Variants in NRXN1 observed in about 807,000 individuals in gnomAD.
NRXN1 encodes neurexin-1.
NRXN1 carries 39 observed loss-of-function variants against 150.9 expected under a neutral mutation model. The observed-to-expected ratio is 0.26, with a 90% CI of 0.20 to 0.34. NRXN1 has a LOEUF of 0.34. Among genes scored for constraint, NRXN1 ranks in the 10% least tolerant of loss-of-function variants. The probability of loss-of-function intolerance (pLI) is 1.00; values close to 1 mark genes in which losing one functional copy is unlikely to be tolerated. For synonymous variants in NRXN1, 924 were observed against 757.0 expected (o/e 1.22, Z -3.62); for missense variants, 1,815 against 1,949.9 (o/e 0.93, Z 1.30).
intron 5 of NRXN1, among the ~76,000 whole-genome samples, chr2:50,800,095 CTT>C (rs1415440492): frequency 1.3e-5 from 2 of 152,192 alleles, no homozygotes; most frequent in East Asian, 3.8e-4. Flanking sequence ...GTGACATACT[CTT>C]TGGCCTCTAA....
chr2:50,161,338 G>C (rs2059352130), intron 18 of NRXN1, among the ~76,000 whole-genome samples: 1 of 152,092 alleles, frequency 6.6e-6, no homozygotes, highest in Admixed American at 6.6e-5. Context: ...GCAAAATCTG[G>C]ACTAGAATTC....
Position 50,497,321 on chromosome 2 carries a change from G to A in NRXN1, c.2879+12C>T, listed in dbSNP as rs373623095. ...GTTTTATTTATTTGCTATTGAACAG[G>A]CATGTACTCACCCTTTAACTAATTC... is the stretch of plus-strand genomic sequence containing the variant. On this transcript the variant is annotated intron_variant, in intron 14 of 22. Coordinates refer to ENST00000401669, the MANE Select transcript of NRXN1 (RefSeq NM_001330078.2). 1.3e-6 allele frequency: 2 copies of A among 1,510,540 alleles called. No individual in the cohort carries two copies. Among genetic ancestry groups the A allele is most frequent in the Non-Finnish European group, 8.8e-7 (1 of 1,133,218 alleles). 93.6% of individuals were successfully genotyped at this position (1,510,540 alleles called of 1,614,324 possible).
Position 50,149,406 on chromosome 2 carries a change from T to G in NRXN1, c.3547-57912A>C, listed in dbSNP as rs535262858. Among the ~76,000 whole-genome samples the G allele has an allele frequency of 4.0e-5, 6 of 151,820 alleles. No homozygotes were observed. In the South Asian group the frequency reaches 1.2e-3, roughly 31 times the overall value. On this transcript the variant is annotated intron_variant, in intron 18 of 22. Coordinates refer to ENST00000401669, the MANE Select transcript of NRXN1 (RefSeq NM_001330078.2). ...ACTACTGATAAATAACTCAGAGAACTGATCTATATAGGTGACAAATCAAAA... is the reference window on the plus strand; with the variant it reads ...ACTACTGATAAATAACTCAGAGAACGGATCTATATAGGTGACAAATCAAAA...
At chr2:50,883,186 T>C (rs866185756) in intron 5 of NRXN1, among the ~76,000 whole-genome samples, 3 of 151,876 alleles carry the variant, frequency 2.0e-5, no homozygotes, top group Non-Finnish European at 4.4e-5. Context: ...TTTCTTTTCA[T>C]TTTTGCATTG....
At chr2:50,432,225 T>G (rs1465481336) in intron 17 of NRXN1, 1 of 152,216 alleles carries the variant, frequency 6.6e-6, no homozygotes, top group African/African-American at 2.4e-5. Flanking sequence ...TCTTTTCCTT[T>G]GAATTTCCCT....
chr2:50,634,791 G>T (rs571149206), intron 5 of NRXN1, among the ~76,000 whole-genome samples: 21 of 152,208 alleles, frequency 1.4e-4, no homozygotes, highest in African/African-American at 4.8e-4. Flanking sequence ...GAGCTGATGA[G>T]GGGAAGAGAA....
At chr2:49,926,538 TGATGATAATTCA>T (rs1438420181) in intron 22 of NRXN1, 2 of 394,448 alleles carry the variant, frequency 5.1e-6, no homozygotes, top group Non-Finnish European at 8.9e-6. Flanking sequence ...TGTTCATATC[TGATGATAATTCA>T]GATGATAATT....
chr2:49,929,581 C>T (rs994172951), intron 22 of NRXN1, among the ~76,000 whole-genome samples: 2 of 152,198 alleles, frequency 1.3e-5, no homozygotes, highest in African/African-American at 2.4e-5. Context: ...AAGTTAGAGC[C>T]ATAATATTAT....
chr2:50,346,606 G>A lies in NRXN1; in HGVS notation c.3365-109636C>T. 3 of 1,441,496 alleles carry A rather than the reference G, an allele frequency of 2.1e-6. No homozygotes were observed. The highest frequency in any genetic ancestry group is 2.3e-5 in the South Asian group (2 of 86,798). The allele number at this position is 1,441,496 out of a possible 1,614,324, so 89.3% of individuals were successfully genotyped here. A position where few individuals can be genotyped will look rare whatever the true frequency, so the allele number is the denominator to read the frequency against. ...CCTTTTGTCGAGCTCCCATTTCTCT[G>A]AGCCTTAGGAGCCCAGGAGCGAGTG... is the stretch of plus-strand genomic sequence containing the variant. On this transcript the variant is annotated intron_variant, in intron 17 of 22. Coordinates refer to ENST00000401669, the MANE Select transcript of NRXN1 (RefSeq NM_001330078.2). The surrounding 1 kb of genome is among the most constrained non-coding windows in gnomAD (Gnocchi z 5.0).
intron 13 of NRXN1, among the ~76,000 whole-genome samples, chr2:50,504,560 T>C (rs1439571645): frequency 6.6e-6 from 1 of 152,180 alleles, no homozygotes; most frequent in Non-Finnish European, 1.5e-5. Context: ...GAAATAACTT[T>C]CTAAAATACA....
chr2:50,032,159 A>G (rs1689268235), intron 21 of NRXN1, among the ~76,000 whole-genome samples: 1 of 152,112 alleles, frequency 6.6e-6, no homozygotes, highest in African/African-American at 2.4e-5. Flanking sequence ...GTTAGAAAGA[A>G]TATGATTCTA....
intron 17 of NRXN1, among the ~76,000 whole-genome samples, chr2:50,287,763 C>A (rs557497197): frequency 1.8e-4 from 28 of 152,214 alleles, no homozygotes; most frequent in African/African-American, 4.1e-4. Flanking sequence ...TAGTTGCTTG[C>A]TGATAAGAAG....
chr2:50,791,276 T>C (rs1705979587), intron 5 of NRXN1, among the ~76,000 whole-genome samples: 1 of 113,886 alleles, frequency 8.8e-6, no homozygotes. Flanking sequence ...GAGATAGAAA[T>C]AGTCAAAATG....
At chr2:50,174,116 C>T (rs2060202142) in intron 18 of NRXN1, among the ~76,000 whole-genome samples, 1 of 152,130 alleles carries the variant, frequency 6.6e-6, no homozygotes, top group South Asian at 2.1e-4. Context: ...GATTAGAATA[C>T]TACTTCATCA....
intron 5 of NRXN1, among the ~76,000 whole-genome samples, chr2:50,630,248 T>C (rs1044201816): frequency 3.3e-5 from 5 of 151,680 alleles, no homozygotes; most frequent in African/African-American, 1.2e-4. Flanking sequence ...CTGAACCACT[T>C]CATTGGATGT....
chr2:50,363,446 C>T (rs899874372), intron 17 of NRXN1, among the ~76,000 whole-genome samples: 1 of 152,152 alleles, frequency 6.6e-6, no homozygotes, highest in Non-Finnish European at 1.5e-5. Context: ...TGAACAGACA[C>T]TTTTCAAAAG....
chr2:50,033,590 C>G (rs1042832365), intron 21 of NRXN1, among the ~76,000 whole-genome samples: 1 of 151,968 alleles, frequency 6.6e-6, no homozygotes, highest in African/African-American at 2.4e-5. Context: ...GATAAAGACA[C>G]CAAAAGCAAT....
chr2:50,388,433 G>A (rs1210546599), intron 17 of NRXN1, among the ~76,000 whole-genome samples: 1 of 152,096 alleles, frequency 6.6e-6, no homozygotes, highest in African/African-American at 2.4e-5. Context: ...TGAGAATCCA[G>A]TACATGTGTA....
intron 2 of NRXN1, among the ~76,000 whole-genome samples, chr2:50,967,146 C>T (rs1036818280): frequency 6.6e-6 from 1 of 151,908 alleles, no homozygotes; most frequent in Non-Finnish European, 1.5e-5. Flanking sequence ...CCATTTTAAT[C>T]CCACAATAGG....
Sources: gnomAD v4.1 joint callset for allele counts (sites outside exome capture counted in the v4.1 genomes callset) on GRCh38, gnomAD v4.1.1 for gene constraint, Gnocchi (gnomAD v3.1) non-coding constraint, MANE v1.5 for transcripts, NCBI Gene and HGNC (gene_info 2026-07-23, HGNC 2026-07-21) for gene names.